Variants in PDZRN4 observed in about 807,000 individuals in gnomAD.
The protein encoded by PDZRN4 is PDZ domain containing ring finger 4, also known as PDZ domain-containing RING finger protein 4.
In PDZRN4, 70 loss-of-function variants were observed where a neutral mutation model predicts 99.0. The observed-to-expected ratio is 0.71, with a 90% confidence interval of 0.58 to 0.86. The LOEUF (loss-of-function observed/expected upper bound fraction) is 0.86, where lower values mean the gene tolerates loss of function less well. Ranked by LOEUF, PDZRN4 falls within the 40% of genes least tolerant of loss-of-function variation. PDZRN4 has a pLI of 0.00. For synonymous variants in PDZRN4, 551 were observed against 501.6 expected, an observed-to-expected ratio of 1.10 and a Z score of -1.32; for missense variants, 1,474 against 1,331.2, an observed-to-expected ratio of 1.11 and a Z score of -1.67.
At chr12:41,277,032 C>T (rs1951353966) in intron 3 of PDZRN4, among the ~76,000 whole-genome samples, 1 of 152,150 alleles carries the variant, frequency 6.6e-6, no homozygotes, top group Non-Finnish European at 1.5e-5. Context: ...TTCTCTAAAT[C>T]TCAATGTATT....
chr12:41,494,689 G>A (rs914043409), intron 3 of PDZRN4, among the ~76,000 whole-genome samples: 7 of 152,056 alleles, frequency 4.6e-5, no homozygotes, highest in Non-Finnish European at 1.0e-4. Context: ...CATGGTGTTG[G>A]GAAGGTTATG....
At chr12:41,284,915 A>G (rs1951412406) in intron 3 of PDZRN4, among the ~76,000 whole-genome samples, 1 of 152,124 alleles carries the variant, frequency 6.6e-6, no homozygotes, top group African/African-American at 2.4e-5. Flanking sequence ...CTAGAAGAAA[A>G]CCTAGGCAAT....
At chr12:41,503,562 A>G (rs1014192334) in intron 3 of PDZRN4, among the ~76,000 whole-genome samples, 8 of 152,204 alleles carry the variant, frequency 5.3e-5, no homozygotes, top group African/African-American at 1.9e-4. Flanking sequence ...GGATTTTGCA[A>G]AAACAATCCT....
At chr12:41,246,971 C>A (rs1261774996) in intron 3 of PDZRN4, among the ~76,000 whole-genome samples, 1 of 152,034 alleles carries the variant, frequency 6.6e-6, no homozygotes, top group Non-Finnish European at 1.5e-5. Flanking sequence ...GTTTTCAGGC[C>A]TTCAGGAATT....
At chr12:41,221,054 T>C (rs982953552) in intron 3 of PDZRN4, among the ~76,000 whole-genome samples, 18 of 152,162 alleles carry the variant, frequency 1.2e-4, no homozygotes, top group Non-Finnish European at 2.2e-4. Flanking sequence ...TTCTAGGCCA[T>C]GAAGCATCCA....
At chr12:41,230,458 C>T (rs1566377611) in intron 3 of PDZRN4, among the ~76,000 whole-genome samples, 1 of 151,956 alleles carries the variant, frequency 6.6e-6, no homozygotes. Flanking sequence ...ATCATGCCAC[C>T]CAATCAAAGG....
intron 3 of PDZRN4, among the ~76,000 whole-genome samples, chr12:41,217,501 G>C (rs1950929109): frequency 6.6e-6 from 1 of 151,752 alleles, no homozygotes. Flanking sequence ...TTTTTAACAT[G>C]AGAAAAAAAA....
At chr12:41,464,395 A>G (rs1952905658) in intron 3 of PDZRN4, among the ~76,000 whole-genome samples, 3 of 152,228 alleles carry the variant, frequency 2.0e-5, no homozygotes, top group Admixed American at 2.0e-4. Context: ...TGTCCTGCTA[A>G]TCATTTCCAT....
At chr12:41,416,205 A>C (rs1040415645) in intron 3 of PDZRN4, among the ~76,000 whole-genome samples, 1 of 152,246 alleles carries the variant, frequency 6.6e-6, no homozygotes, top group African/African-American at 2.4e-5. Flanking sequence ...CTTTCTCTGT[A>C]GACATACATC....
chr12:41,300,759 G>A (rs952205189), intron 3 of PDZRN4, among the ~76,000 whole-genome samples: 2 of 152,022 alleles, frequency 1.3e-5, no homozygotes, highest in Admixed American at 6.6e-5. Context: ...AAAACTTTCT[G>A]TAGTTTTACA....
rs540425604 is a variant in PDZRN4, at chr12:41,430,198, G to A, written c.844-76258G>A. ...TAAAAGAAACAAATAGGCCAGGCAC[G>A]GTGGCTCACGCCTGTAATCCCAGCA... On this transcript the variant is annotated intron_variant, in intron 3 of 9. Transcript: ENST00000402685. 1.8e-3 allele frequency among the ~76,000 whole-genome samples: 270 copies of A among 152,264 alleles called. 2 individuals carry two copies. The highest frequency in any genetic ancestry group is 6.1e-3 in the African/African-American group (255 of 41,540).
chr12:41,304,241 G>A (rs1314200286), intron 3 of PDZRN4, among the ~76,000 whole-genome samples: 1 of 152,104 alleles, frequency 6.6e-6, no homozygotes, highest in Non-Finnish European at 1.5e-5. Flanking sequence ...CACTAGCTTT[G>A]TATGATATCA....
chr12:41,494,328 T>C (rs976416878), intron 3 of PDZRN4, among the ~76,000 whole-genome samples: 25 of 152,136 alleles, frequency 1.6e-4, no homozygotes, highest in African/African-American at 5.8e-4. Flanking sequence ...TAGTGTCATC[T>C]TCAGCAAGTT....
rs1260946490 is a variant in PDZRN4, at chr12:41,406,643, C to A, written c.844-99813C>A. On this transcript the variant is annotated intron_variant, in intron 3 of 9. Coordinates refer to ENST00000402685, the MANE Select transcript of PDZRN4 (RefSeq NM_001164595.2). The stretch of plus-strand genomic sequence containing the variant: ...GCACGGTGGCTCACGCCTGTAATCC[C>A]AGCACTTTGGGAGGCCGAGGCGGGC... 4.6e-5 allele frequency among the ~76,000 whole-genome samples: 7 copies of A among 152,002 alleles called. No homozygotes were observed. In the South Asian group the frequency reaches 8.3e-4, roughly 18 times the overall value.
chr12:41,199,869 G>T (rs1234278651), intron 3 of PDZRN4, among the ~76,000 whole-genome samples: 1 of 152,090 alleles, frequency 6.6e-6, no homozygotes, highest in Non-Finnish European at 1.5e-5. Context: ...GGAAGGGTGG[G>T]AGGAGGGAAG....
Position 41,506,556 on chromosome 12 carries a change from C to T in PDZRN4, c.944C>T (p.Pro315Leu). 3 of 1,613,810 alleles carry T rather than the reference C, an allele frequency of 1.9e-6. No homozygotes were observed. The highest frequency in any genetic ancestry group is 2.5e-6 in the Non-Finnish European group (3 of 1,179,868). The change falls in exon 4 of 10, where the codon CCT becomes CTT. Residue 315 changes from proline to leucine, a missense_variant. Pro to Leu is a moderately conservative substitution (Grantham distance 98, BLOSUM62 -3). Transcript: ENST00000402685. ...PIVVQVLRRT[P>L]LSRPAYGMAS... is the part of the protein sequence containing the mutation. ...GTGGTGCAGGTGTTAAGGCGAACACCTCTTAGTAGACCAGCCTATGGGATG... is the reference window on the plus strand; with the variant it reads ...GTGGTGCAGGTGTTAAGGCGAACACTTCTTAGTAGACCAGCCTATGGGATG...
At chr12:41,208,595 A>C (rs1360090336) in intron 3 of PDZRN4, among the ~76,000 whole-genome samples, 3 of 151,984 alleles carry the variant, frequency 2.0e-5, no homozygotes, top group Non-Finnish European at 1.5e-5. Flanking sequence ...TACTATATCC[A>C]GATTAATTCC....
chr12:41,197,885 T>TTTC (rs145882107), intron 3 of PDZRN4, among the ~76,000 whole-genome samples: 1 of 139,228 alleles, frequency 7.2e-6, no homozygotes, highest in Non-Finnish European at 1.5e-5. Context: ...TCTTTCTTTC[T>TTTC]TTCTTCTTCT....
At chr12:41,571,910 C>T (rs1033205988) in intron 9 of PDZRN4, among the ~76,000 whole-genome samples, 2 of 152,174 alleles carry the variant, frequency 1.3e-5, no homozygotes, top group African/African-American at 4.8e-5. Context: ...GTGAAGTTTC[C>T]TCTGTACTTA....
Sources: allele counts gnomAD v4.1 joint callset (sites outside exome capture counted in the v4.1 genomes callset), GRCh38; gene constraint gnomAD v4.1.1; transcripts MANE v1.5; gene names NCBI Gene and HGNC (gene_info 2026-07-23, HGNC 2026-07-21).